Variants in SAMSN1 observed in about 807,000 individuals in gnomAD.
SAMSN1 encodes SAM domain, SH3 domain and nuclear localization signals 1.
Under a neutral mutation model 42.0 loss-of-function variants are expected in SAMSN1, and 31 were observed. That is an observed-to-expected ratio of 0.74 (90% CI 0.55 to 1.00). The LOEUF (loss-of-function observed/expected upper bound fraction) is 1.00, where lower values mean the gene tolerates loss of function less well. SAMSN1 is among the 50% of genes least tolerant of loss of function. SAMSN1 has a pLI of 0.00. For missense variants in SAMSN1, 464 were observed against 439.4 expected (o/e 1.06, Z -0.50); for synonymous variants, 178 against 151.9 (o/e 1.17, Z -1.26).
upstream of SAMSN1, among the ~76,000 whole-genome samples, chr21:14,547,587 A>G (rs1045539222): frequency 1.3e-5 from 2 of 152,150 alleles, no homozygotes; most frequent in African/African-American, 4.8e-5. Flanking sequence ...AATCCTCTGA[A>G]TTGAAAAGTG....
chr21:14,633,327 G>A (rs1983380256), intron 2 of SAMSN1, among the ~76,000 whole-genome samples: 1 of 152,146 alleles, frequency 6.6e-6, no homozygotes, highest in African/African-American at 2.4e-5. Flanking sequence ...CTACCAAAAG[G>A]AAAGTAATAG....
At chr21:14,566,586 A>G (rs1010251959) in intron 2 of SAMSN1, among the ~76,000 whole-genome samples, 3 of 151,910 alleles carry the variant, frequency 2.0e-5, no homozygotes, top group African/African-American at 7.3e-5. Flanking sequence ...CGCCCAGGCT[A>G]TAGTGCAGTG....
intron 1 of SAMSN1, among the ~76,000 whole-genome samples, chr21:14,526,164 A>G (rs532489747): frequency 2.6e-5 from 4 of 152,144 alleles, no homozygotes; most frequent in Non-Finnish European, 5.9e-5. Flanking sequence ...TGCCATGCCC[A>G]GCCAGTTTCA....
intron 2 of SAMSN1, among the ~76,000 whole-genome samples, chr21:14,577,238 G>GTGTA (rs1248361790): frequency 6.7e-4 from 19 of 28,176 alleles, no homozygotes; most frequent in Admixed American, 2.0e-3. Context: ...ATATATGTGT[G>GTGTA]TATATATATA....
intron 7 of SAMSN1, among the ~76,000 whole-genome samples, chr21:14,495,250 T>C (rs540953986): frequency 3.3e-5 from 5 of 152,326 alleles, no homozygotes; most frequent in African/African-American, 1.2e-4. Flanking sequence ...GTTTAATCTT[T>C]AGCATGGTTG....
At chr21:14,640,051 A>G (rs879456442) in intron 2 of SAMSN1, among the ~76,000 whole-genome samples, 1 of 152,186 alleles carries the variant, frequency 6.6e-6, no homozygotes, top group Non-Finnish European at 1.5e-5. Flanking sequence ...CTACCCCATA[A>G]TTATACATAT....
At chr21:14,577,745 C>T (rs958598674) in intron 2 of SAMSN1, among the ~76,000 whole-genome samples, 3 of 152,152 alleles carry the variant, frequency 2.0e-5, no homozygotes, top group African/African-American at 7.2e-5. Flanking sequence ...CAGCTGAAAT[C>T]CCCTCTCAAC....
intron 2 of SAMSN1, among the ~76,000 whole-genome samples, chr21:14,628,571 A>G (rs1045280954): frequency 6.6e-5 from 10 of 152,204 alleles, no homozygotes; most frequent in Admixed American, 2.6e-4. Context: ...GTGACTGGTA[A>G]CAAGTCATCA....
At chr21:14,637,261 G>A (rs1983491728) in intron 2 of SAMSN1, among the ~76,000 whole-genome samples, 1 of 152,108 alleles carries the variant, frequency 6.6e-6, no homozygotes, top group Non-Finnish European at 1.5e-5. Context: ...GCATCGAACT[G>A]AAATGTGCTC....
rs565360281 is a variant in SAMSN1, at chr21:14,531,583, C to G, written c.58-10362G>C. On this transcript the variant is annotated intron_variant, in intron 1 of 7. Coordinates refer to ENST00000400566, the MANE Select transcript of SAMSN1 (RefSeq NM_022136.5). ...TTAAGCCCCAAAACTTTTAAACATACGTGATAATTGAGTATGCTAACAAAA... is the reference window on the plus strand; with the variant it reads ...TTAAGCCCCAAAACTTTTAAACATAGGTGATAATTGAGTATGCTAACAAAA... Among the ~76,000 whole-genome samples the G allele has an allele frequency of 2.0e-5, 3 of 151,852 alleles. No individual in the cohort carries two copies. The South Asian group carries it at 6.2e-4, about 31-fold the overall frequency.
chr21:14,644,105 G>A (rs1294616380), intron 1 of SAMSN1, among the ~76,000 whole-genome samples: 3 of 152,156 alleles, frequency 2.0e-5, no homozygotes. Flanking sequence ...CACAAGGACT[G>A]CAACTCCTAT....
Position 14,591,128 on chromosome 21 carries a change from C to T in SAMSN1, c.465+2885G>A, listed in dbSNP as rs971426175. 2.6e-5 allele frequency among the ~76,000 whole-genome samples: 4 copies of T among 151,990 alleles called. No homozygotes were observed. In the East Asian group the frequency reaches 5.8e-4, roughly 22 times the overall value. ...AATTGCCATGTTGACATTAGATATT[C>T]GTATATCATTATAATTTTAAAAATT... On this transcript the variant is annotated intron_variant, in intron 7 of 15. Transcript: ENST00000647101.
intron 7 of SAMSN1, among the ~76,000 whole-genome samples, chr21:14,490,124 A>G (rs1222052821): frequency 1.3e-5 from 2 of 152,158 alleles, no homozygotes; most frequent in Non-Finnish European, 2.9e-5. Context: ...TGTCTTTACC[A>G]TCTTGCTTGC....
chr21:14,643,100 G>GTTA lies in SAMSN1; in HGVS notation c.57_58insTAA (p.Ile19_Pro20insTer). On this transcript the variant is annotated stop_gained and inframe_insertion, in exon 2 of 16. Transcript: ENST00000647101. LOFTEE classifies it high-confidence loss of function. ...TTTTCTTGGTTAGCTTGTTGCTCTG[G>GTTA]GATTGGCTCATATAAGCTATCCATA... 1.4e-6 allele frequency: 1 copy of GTTA among 717,246 alleles called. No individual in the cohort carries two copies. Among genetic ancestry groups the GTTA allele is most frequent in the Non-Finnish European group, 2.6e-6 (1 of 385,016 alleles). The allele number at this position is 717,246 out of a possible 1,614,324, so 44.4% of individuals were successfully genotyped here. A position where few individuals can be genotyped will look rare whatever the true frequency, so the allele number is the denominator to read the frequency against.
At chr21:14,575,384 T>G (rs1479223362) in intron 2 of SAMSN1, among the ~76,000 whole-genome samples, 1 of 152,180 alleles carries the variant, frequency 6.6e-6, no homozygotes, top group Non-Finnish European at 1.5e-5. Flanking sequence ...CTGTAGTGAG[T>G]ATAGATATGT....
At position 14,500,518 on chromosome 21, in the gene SAMSN1, G is replaced by T; in HGVS notation, c.768+11C>A. The T allele has an allele frequency of 6.2e-7, 1 of 1,610,874 alleles. No homozygotes were observed. The highest frequency in any genetic ancestry group is 8.5e-7 in the Non-Finnish European group (1 of 1,177,160). On this transcript the variant is annotated intron_variant, in intron 6 of 7. Transcript: ENST00000400566. ...TGCTTCCAAAAGCAAACAGAACACAGATTTGCTCACCTGCAGATGAATCCT... is the reference window on the plus strand; with the variant it reads ...TGCTTCCAAAAGCAAACAGAACACATATTTGCTCACCTGCAGATGAATCCT...
chr21:14,543,540 G>A (rs756368447), intron 1 of SAMSN1, among the ~76,000 whole-genome samples: 6 of 152,058 alleles, frequency 3.9e-5, no homozygotes, highest in Non-Finnish European at 5.9e-5. Context: ...TCTCATAACT[G>A]TAAGACCTAT....
intron 1 of SAMSN1, among the ~76,000 whole-genome samples, chr21:14,652,276 C>T (rs1408310759): frequency 6.6e-6 from 1 of 152,012 alleles, no homozygotes; most frequent in East Asian, 1.9e-4. Flanking sequence ...AATCACATTA[C>T]CTGACTTCAA....
Position 14,622,704 on chromosome 21 carries a change from T to C in SAMSN1, c.157-6688A>G, listed in dbSNP as rs146732246. ...AAGTTGGAAAACACTCTGCAGGATA[T>C]TATCAAGGAGAACTTCCCCAACCTA... On this transcript the variant is annotated intron_variant, in intron 2 of 15. Coordinates refer to the SAMSN1 transcript ENST00000647101. Among the ~76,000 whole-genome samples the C allele has an allele frequency of 8.8e-3, 1,335 of 152,296 alleles. 52 individuals carry two copies. Among genetic ancestry groups the C allele is most frequent in the Admixed American group, 0.062 (946 of 15,294 alleles).
Sources: gnomAD v4.1 joint callset for allele counts (sites outside exome capture counted in the v4.1 genomes callset) on GRCh38, gnomAD v4.1.1 for gene constraint, MANE v1.5 for transcripts, NCBI Gene and HGNC (gene_info 2026-07-23, HGNC 2026-07-21) for gene names.